Variants in SNX33 observed in about 807,000 individuals in gnomAD.
SNX33 encodes the protein sorting nexin-33.
Under a neutral mutation model 38.8 loss-of-function variants are expected in SNX33, and 19 were observed. That is an observed-to-expected ratio of 0.49 (90% confidence interval 0.34 to 0.72). The LOEUF (loss-of-function observed/expected upper bound fraction) is 0.72. SNX33 is among the 30% of genes least tolerant of loss of function. SNX33 has a pLI of 0.01. For missense variants in SNX33, 641 were observed against 776.4 expected, an observed-to-expected ratio of 0.83 and a Z score of 2.07; for synonymous variants, 246 against 289.7, an observed-to-expected ratio of 0.85 and a Z score of 1.53.
intron 1 of SNX33, 51 bp from the exon 2 acceptor site, chr15:75,656,911 C>T (rs1472620210): frequency 1.3e-6 from 2 of 1,585,044 alleles, no homozygotes; most frequent in South Asian, 2.3e-5. Flanking sequence ...GTACAGGGAG[C>T]ACATGGAGAT....
Position 75,649,015 on chromosome 15 carries a change from G to A in SNX33, c.-88G>A. 6.8e-7 allele frequency: 1 copy of A among 1,477,028 alleles called. No individual in the cohort carries two copies. The highest frequency in any genetic ancestry group is 1.4e-5 in the South Asian group (1 of 72,956). The allele number at this position is 1,477,028 out of a possible 1,614,324, so 91.5% of individuals were successfully genotyped here. ...TGAACTGTGTAAGCGCCATTCAGCT[G>A]CGAGTGCATTCTTGGACTGCCTTGT... On this transcript the variant is annotated 5_prime_UTR_variant, in exon 1 of 2. Transcript: ENST00000308527. This position sits in a 1 kb window ranked among gnomAD's most constrained non-coding sequence, Gnocchi z 6.6.
rs1893531771 is a variant in SNX33 at position 75,648,864 on chromosome 15, C to G, written c.-239C>G. 7 of 433,458 alleles carry G rather than the reference C, an allele frequency of 1.6e-5. No individual in the cohort carries two copies. The South Asian group carries it at 3.6e-4, about 23-fold the overall frequency. The allele number at this position is 433,458 out of a possible 1,614,324, so 26.9% of individuals were successfully genotyped here. On this transcript the variant is annotated 5_prime_UTR_variant, in exon 1 of 2. Coordinates refer to ENST00000308527, the MANE Select transcript of SNX33 (RefSeq NM_153271.2). This position sits in a 1 kb window ranked among gnomAD's most constrained non-coding sequence, Gnocchi z 4.4. ...GGAGGAGACTGTGGACATGAGCCCT[C>G]CCTGCTCACAAGCATATGCCCGGAG...
Position 75,650,356 on chromosome 15 carries a change from C to G in SNX33, c.1254C>G (p.Gly418=). ...TCCGCAAGGAATTCCAGAAGCTGGG[C>G]AGTGCCTTCCAGGCCATCAGTCATT... ...GGFRKEFQKL[G]SAFQAISHSF... The change falls in exon 1 of 2, where the codon GGC becomes GGG. Residue 418 remains glycine (G), a synonymous_variant. Transcript: ENST00000308527. This position sits in a 1 kb window ranked among gnomAD's most constrained non-coding sequence, Gnocchi z 6.1. 1 of 1,607,532 alleles carries G rather than the reference C, an allele frequency of 6.2e-7. No homozygotes were observed. The highest frequency in any genetic ancestry group is 8.5e-7 in the Non-Finnish European group (1 of 1,176,354).
Position 75,649,452 on chromosome 15 carries a change from G to A in SNX33, c.350G>A (p.Trp117Ter). Residue 117 changes from tryptophan to a stop codon, truncating the protein, a stop_gained, in exon 1 of 2, where the codon TGG (tryptophan) becomes TAG (stop). Transcript: ENST00000308527. LOFTEE classifies it high-confidence loss of function. This position sits in a 1 kb window ranked among gnomAD's most constrained non-coding sequence, Gnocchi z 6.6. ...TTTGAGGAGGATGATGATGATGACT[G>A]GGATGACTGGGACGACGGATGCACA... The part of the protein sequence containing the change: ...GSFEEDDDDD[W>*]DDWDDGCTVV... 6.5e-7 allele frequency: 1 copy of A among 1,537,064 alleles called. No individual in the cohort carries two copies. The highest frequency in any genetic ancestry group is 8.8e-7 in the Non-Finnish European group (1 of 1,139,938).
In SNX33 at chr15:75,649,512, C is replaced by T. The variant is rs748924668; in HGVS notation, c.410C>T (p.Thr137Ile). ...GAGCCACGGGCTGGTGGGCTGGGCA[C>T]CAACGGGCACCCTCCCCTCAACCTC... is the stretch of plus-strand genomic sequence containing the variant. ...VEEPRAGGLG[T>I]NGHPPLNLSY... Residue 137 changes from threonine (T) to isoleucine (I), a missense_variant, in exon 1 of 2, where the codon ACC becomes ATC. Physicochemically the swap from Thr to Ile is moderately conservative, Grantham distance 89. Around this residue, in one of 2 missense-constraint regions of SNX33, gnomAD observed 243 missense variants for 233.9 expected, o/e 1.04. Coordinates refer to ENST00000308527, the MANE Select transcript of SNX33 (RefSeq NM_153271.2). This position sits in a 1 kb window ranked among gnomAD's most constrained non-coding sequence, Gnocchi z 6.6. 2.5e-6 allele frequency: 4 copies of T among 1,575,304 alleles called. No homozygotes were observed. The East Asian group carries it at 6.8e-5, about 27-fold the overall frequency.
Position 75,648,434 on chromosome 15 carries a change from T to A in SNX33, c.-669T>A. 3.0e-6 allele frequency: 3 copies of A among 985,374 alleles called. No homozygotes were observed. The highest frequency in any genetic ancestry group is 3.6e-6 in the Non-Finnish European group (3 of 829,936). 61.0% of individuals were successfully genotyped at this position (985,374 alleles called of 1,614,324 possible). On this transcript the variant is annotated 5_prime_UTR_variant, in exon 1 of 2. Transcript: ENST00000308527. This position sits in a 1 kb window ranked among gnomAD's most constrained non-coding sequence, Gnocchi z 4.4. Reference sequence around the variant, plus strand: ...GTTGTGTAAGCCTCAGTCCTTGTTTTCCCGGCCTGGCTCGTTGTGAAGCCG... The same window carrying A: ...GTTGTGTAAGCCTCAGTCCTTGTTTACCCGGCCTGGCTCGTTGTGAAGCCG...
At position 75,650,081 on chromosome 15, in the gene SNX33, G is replaced by A. The variant is rs1242918081; in HGVS notation, c.979G>A (p.Glu327Lys). Residue 327 changes from glutamate (E) to lysine (K), a missense_variant, in exon 1 of 2, where the codon GAA (glutamate) becomes AAA (lysine). Coordinates refer to ENST00000308527, the MANE Select transcript of SNX33 (RefSeq NM_153271.2). This position sits in a 1 kb window ranked among gnomAD's most constrained non-coding sequence, Gnocchi z 6.1. The part of the protein sequence containing the change: ...MTSHPVLSQY[E>K]GFQHFLSCLD... Reference sequence around the variant, plus strand: ...CAGCCACCCTGTGCTCTCCCAGTACGAAGGCTTCCAGCATTTCCTCAGCTG... The same window carrying A: ...CAGCCACCCTGTGCTCTCCCAGTACAAAGGCTTCCAGCATTTCCTCAGCTG... 5 of 1,613,944 alleles carry A rather than the reference G, an allele frequency of 3.1e-6. No homozygotes were observed. Among genetic ancestry groups the A allele is most frequent in the Non-Finnish European group, 4.2e-6 (5 of 1,180,000 alleles).
Position 75,648,089 on chromosome 15 carries a change from T to C in SNX33, c.-1014T>C. On this transcript the variant is annotated 5_prime_UTR_variant, in exon 1 of 2. Transcript: ENST00000308527. This position sits in a 1 kb window ranked among gnomAD's most constrained non-coding sequence, Gnocchi z 4.4. ...GCTCGCCGGAGCTCACTCTCCAAAC[T>C]CCAAACTGTTGAGTGTGTGCGTGCA... 1.0e-6 allele frequency: 1 copy of C among 985,282 alleles called. No homozygotes were observed. The highest frequency in any genetic ancestry group is 1.2e-6 in the Non-Finnish European group (1 of 829,922). 61.0% of individuals were successfully genotyped at this position (985,282 alleles called of 1,614,324 possible). A position where few individuals can be genotyped will look rare whatever the true frequency, so the allele number is the denominator to read the frequency against.
intron 1 of SNX33, among the ~76,000 whole-genome samples, chr15:75,653,398 G>A (rs571884965): frequency 2.0e-5 from 3 of 152,298 alleles, no homozygotes; most frequent in South Asian, 2.1e-4. Context: ...AAGCTGGGAC[G>A]TATGGACCCC....
rs202135342 is a variant in SNX33 at position 75,649,494 on chromosome 15, G to A, written c.392G>A (p.Arg131Gln). The A allele has an allele frequency of 9.0e-6, 14 of 1,555,000 alleles. 1 individual carries two copies. Among genetic ancestry groups the A allele is most frequent in the Admixed American group, 5.6e-5 (3 of 53,166 alleles). ...DDGCTVVEEP[R>Q]AGGLGTNGHP... ...GGATGCACAGTGGTGGAGGAGCCAC[G>A]GGCTGGTGGGCTGGGCACCAACGGG... Residue 131 changes from arginine to glutamine, a missense_variant, in exon 1 of 2, where the codon CGG becomes CAG. Arg to Gln is a conservative substitution (Grantham distance 43). Coordinates refer to ENST00000308527, the MANE Select transcript of SNX33 (RefSeq NM_153271.2). The surrounding 1 kb of genome is among the most constrained non-coding windows in gnomAD (Gnocchi z 6.6).
At chr15:75,652,006 G>GTTTTTTTTTTTTTTT (rs10706187) in intron 1 of SNX33, among the ~76,000 whole-genome samples, 1 of 132,864 alleles carries the variant, frequency 7.5e-6, no homozygotes, top group Non-Finnish European at 1.5e-5. Context: ...CTTTCTTTCT[G>GTTTTTTTTTTTTTTT]TTTTTTTTTT....
In SNX33 at chr15:75,659,156, G is replaced by C. The variant is rs1322632543; in HGVS notation, c.*1941G>C. On this transcript the variant is annotated 3_prime_UTR_variant, in exon 2 of 2. Coordinates refer to ENST00000308527, the MANE Select transcript of SNX33 (RefSeq NM_153271.2). ...AACTGAAGAGGACGCTGGCTGTTGG[G>C]GGTGCCCTGATCAGGATGAGCGGAC... The C allele has an allele frequency of 6.6e-6, 1 of 152,384 alleles. No homozygotes were observed. Among genetic ancestry groups the C allele is most frequent in the East Asian group, 1.9e-4 (1 of 5,194 alleles). The allele number at this position is 152,384 out of a possible 1,614,324, so 9.4% of individuals were successfully genotyped here. A position where few individuals can be genotyped will look rare whatever the true frequency, so the allele number is the denominator to read the frequency against.
At chr15:75,654,165 A>G (rs553317272) in intron 1 of SNX33, among the ~76,000 whole-genome samples, 14 of 152,076 alleles carry the variant, frequency 9.2e-5, no homozygotes, top group African/African-American at 3.4e-4. Flanking sequence ...TGGAGCTTCT[A>G]TTGTATCTCA....
rs568968298 is a variant in SNX33, at chr15:75,650,730, A to G, written c.1471+157A>G. ...TGTGTTGGGCTGGGCACGGTGGCTT[A>G]CGCTTGTAATCTCAGCACTTTGGGA... On this transcript the variant is annotated intron_variant, in intron 1 of 1. Coordinates refer to ENST00000308527, the MANE Select transcript of SNX33 (RefSeq NM_153271.2). The surrounding 1 kb of genome is among the most constrained non-coding windows in gnomAD (Gnocchi z 6.1). Among the ~76,000 whole-genome samples, 40 of 152,292 alleles carry G rather than the reference A, an allele frequency of 2.6e-4. No homozygotes were observed. Among genetic ancestry groups the G allele is most frequent in the African/African-American group, 9.6e-4 (40 of 41,566 alleles).
At position 75,657,220 on chromosome 15, in the gene SNX33, G is replaced by C. The variant is rs770992959; in HGVS notation, c.*5G>C. Reference sequence around the variant, plus strand: ...CGCATGTATGACAACCTCTGACCGCGTGTGCCTGGGCCCCCTCCTTCCCCT... The same window carrying C: ...CGCATGTATGACAACCTCTGACCGCCTGTGCCTGGGCCCCCTCCTTCCCCT... On this transcript the variant is annotated 3_prime_UTR_variant, in exon 2 of 2. Transcript: ENST00000308527. The surrounding 1 kb of genome is among the most constrained non-coding windows in gnomAD (Gnocchi z 5.5). 2 of 1,613,418 alleles carry C rather than the reference G, an allele frequency of 1.2e-6. No individual in the cohort carries two copies. The highest frequency in any genetic ancestry group is 1.7e-5 in the Admixed American group (1 of 60,008).
rs1893726877 is a variant in SNX33 at position 75,661,841 on chromosome 15, C to T, written c.*4626C>T. ...GAAGAAGGGGAGGCAGATTTCCCCT[C>T]TAGATGAGTGAAGGGATAGGAGGCT... is the stretch of plus-strand genomic sequence containing the variant. On this transcript the variant is annotated 3_prime_UTR_variant, in exon 2 of 2. Transcript: ENST00000308527. The surrounding 1 kb of genome is among the most constrained non-coding windows in gnomAD (Gnocchi z 4.5). 6.6e-6 allele frequency: 1 copy of T among 152,092 alleles called. No homozygotes were observed. Among genetic ancestry groups the T allele is most frequent in the Non-Finnish European group, 1.5e-5 (1 of 68,032 alleles). 9.4% of individuals were successfully genotyped at this position (152,092 alleles called of 1,614,324 possible).
chr15:75,648,631 T>C lies in SNX33; in HGVS notation c.-472T>C, dbSNP rs1893528680. On this transcript the variant is annotated 5_prime_UTR_variant, in exon 1 of 2. Coordinates refer to ENST00000308527, the MANE Select transcript of SNX33 (RefSeq NM_153271.2). The surrounding 1 kb of genome is among the most constrained non-coding windows in gnomAD (Gnocchi z 4.4). ...CCCAAAGCGAGAGCCGCCAAAAGAA[T>C]CTGGGAGCCAGAGGGACAGCCGAGC... 1.2e-6 allele frequency: 1 copy of C among 801,072 alleles called. No homozygotes were observed. The highest frequency in any genetic ancestry group is 1.5e-6 in the Non-Finnish European group (1 of 661,732). The allele number at this position is 801,072 out of a possible 1,614,324, so 49.6% of individuals were successfully genotyped here.
At position 75,650,141 on chromosome 15, in the gene SNX33, CG is replaced by C. The variant is rs1566966664; in HGVS notation, c.1042del (p.Ala348ArgfsTer149). The C allele has an allele frequency of 1.2e-6, 2 of 1,613,512 alleles. No individual in the cohort carries two copies. The highest frequency in any genetic ancestry group is 2.2e-5 in the East Asian group (1 of 44,872). ...CAAGCAGTGGAAGATGGGCAAACGC[CG>C]GGCGGAGAAGGATGAGATGGTGGGT... ...DDKQWKMGKR[R>X]AEKDEMVGAS... is the part of the protein sequence containing the mutation. On this transcript the variant is annotated frameshift_variant, in exon 1 of 2. Transcript: ENST00000308527. LOFTEE classifies it high-confidence loss of function. This position sits in a 1 kb window ranked among gnomAD's most constrained non-coding sequence, Gnocchi z 6.1.
At position 75,650,070 on chromosome 15, in the gene SNX33, T is replaced by G. The variant is rs1463151475; in HGVS notation, c.968T>G (p.Leu323Arg). 1 of 1,613,594 alleles carries G rather than the reference T, an allele frequency of 6.2e-7. No homozygotes were observed. The highest frequency in any genetic ancestry group is 8.5e-7 in the Non-Finnish European group (1 of 1,179,904). Reference protein sequence around the residue: ...WMDHMTSHPVLSQYEGFQHFL... With the variant: ...WMDHMTSHPVRSQYEGFQHFL... ...GACCACATGACCAGCCACCCTGTGC[T>G]CTCCCAGTACGAAGGCTTCCAGCAT... The change falls in exon 1 of 2, where the codon CTC (leucine) becomes CGC (arginine). Residue 323 changes from leucine to arginine, a missense_variant. By Grantham distance (102) the Leu-to-Arg change is moderately radical (BLOSUM62 -2). Transcript: ENST00000308527. The surrounding 1 kb of genome is among the most constrained non-coding windows in gnomAD (Gnocchi z 6.1).
Sources: allele counts gnomAD v4.1 joint callset (sites outside exome capture counted in the v4.1 genomes callset), GRCh38; gene constraint gnomAD v4.1.1; regional missense constraint gnomAD v4.1.1; non-coding constraint Gnocchi (gnomAD v3.1); transcripts MANE v1.5; gene names NCBI Gene and HGNC (gene_info 2026-07-23, HGNC 2026-07-21).